SLC39A11: variants seen among roughly 807,000 people sequenced by gnomAD.
SLC39A11 encodes the protein solute carrier family 39 member 11.
Under a neutral mutation model 36.1 loss-of-function variants are expected in SLC39A11, and 33 were observed. The observed-to-expected ratio is 0.91, with a 90% CI of 0.69 to 1.22. The LOEUF (loss-of-function observed/expected upper bound fraction) is 1.22, where lower values mean the gene tolerates loss of function less well. SLC39A11 is among the 50% of genes most tolerant of loss of function. The pLI is 0.00. For synonymous variants in SLC39A11, 166 were observed against 170.3 expected, an observed-to-expected ratio of 0.97 and a Z score of 0.20; for missense variants, 432 against 430.3, an observed-to-expected ratio of 1.00 and a Z score of -0.03.
At chr17:72,698,703 G>A (rs1373087531) in intron 7 of SLC39A11, among the ~76,000 whole-genome samples, 2 of 152,182 alleles carry the variant, frequency 1.3e-5, no homozygotes, top group Non-Finnish European at 2.9e-5. Context: ...TCTAGCTACT[G>A]AGAAGACAGA....
At chr17:72,967,049 G>A (rs1046096972) in intron 4 of SLC39A11, among the ~76,000 whole-genome samples, 3 of 152,144 alleles carry the variant, frequency 2.0e-5, no homozygotes, top group East Asian at 1.9e-4. Context: ...ATCTGTCACC[G>A]CCTCCCATCA....
intron 7 of SLC39A11, among the ~76,000 whole-genome samples, chr17:72,679,603 G>A (rs1005731347): frequency 5.9e-5 from 9 of 152,220 alleles, no homozygotes; most frequent in Non-Finnish European, 1.2e-4. Context: ...GCCAGGTAAG[G>A]AGTTGAAGAC....
chr17:72,861,012 A>G (rs2079950241), intron 5 of SLC39A11, among the ~76,000 whole-genome samples: 2 of 152,220 alleles, frequency 1.3e-5, no homozygotes, highest in African/African-American at 4.8e-5. Context: ...CACAAACCAC[A>G]TTCTCTAGTT....
At chr17:72,981,047 G>C (rs2088264662) in intron 4 of SLC39A11, among the ~76,000 whole-genome samples, 1 of 151,316 alleles carries the variant, frequency 6.6e-6, no homozygotes, top group Admixed American at 6.6e-5. Context: ...AATAGAATGT[G>C]AGCTACAAAT....
At chr17:72,663,426 T>C (rs1369909405) in intron 7 of SLC39A11, among the ~76,000 whole-genome samples, 1 of 152,128 alleles carries the variant, frequency 6.6e-6, no homozygotes, top group Non-Finnish European at 1.5e-5. Flanking sequence ...AGCAAACCCA[T>C]GAAACCCACA....
At chr17:72,932,563 G>A (rs936207876) in intron 5 of SLC39A11, among the ~76,000 whole-genome samples, 2 of 150,450 alleles carry the variant, frequency 1.3e-5, no homozygotes, top group African/African-American at 4.9e-5. Context: ...GGACCCAAAT[G>A]TGCTCAATGA....
chr17:72,845,772 C>T (rs1292961353), intron 6 of SLC39A11, among the ~76,000 whole-genome samples: 4 of 152,104 alleles, frequency 2.6e-5, no homozygotes, highest in African/African-American at 9.7e-5. Context: ...AAAGAAATGT[C>T]CCTTCAAACC....
At chr17:72,919,780 C>G (rs2083549366) in intron 5 of SLC39A11, among the ~76,000 whole-genome samples, 1 of 151,848 alleles carries the variant, frequency 6.6e-6, no homozygotes, top group Non-Finnish European at 1.5e-5. Context: ...CCAGGGTGGT[C>G]GGGCAGCACG....
At chr17:72,710,488 G>C (rs541874426) in intron 7 of SLC39A11, among the ~76,000 whole-genome samples, 1 of 152,280 alleles carries the variant, frequency 6.6e-6, no homozygotes, top group Non-Finnish European at 1.5e-5. Flanking sequence ...GAACACCCAA[G>C]TCTTTTTTGC....
chr17:72,825,032 G>A (rs138710869), intron 6 of SLC39A11, among the ~76,000 whole-genome samples: 83 of 151,556 alleles, frequency 5.5e-4, no homozygotes, highest in African/African-American at 1.9e-3. Flanking sequence ...ATATACATAA[G>A]TAAAGAGGGG....
intron 3 of SLC39A11, among the ~76,000 whole-genome samples, chr17:73,070,268 G>A (rs1023574358): frequency 7.2e-5 from 11 of 152,100 alleles, no homozygotes; most frequent in African/African-American, 2.7e-4. Context: ...TATGACAAAT[G>A]CCCCCAACCC....
At chr17:72,761,999 A>C (rs1362516341) in intron 6 of SLC39A11, among the ~76,000 whole-genome samples, 1 of 152,216 alleles carries the variant, frequency 6.6e-6, no homozygotes, top group Non-Finnish European at 1.5e-5. Flanking sequence ...GTTTTAGGCG[A>C]GTCTAGAGTA....
At position 72,825,331 on chromosome 17, in the gene SLC39A11, G is replaced by GT. The variant is rs545469943; in HGVS notation, c.601+24302dup. Among the ~76,000 whole-genome samples the GT allele has an allele frequency of 2.1e-3, 314 of 152,332 alleles. 1 individual carries two copies. Among genetic ancestry groups the GT allele is most frequent in the African/African-American group, 7.2e-3 (298 of 41,570 alleles). On this transcript the variant is annotated intron_variant, in intron 6 of 9. Transcript: ENST00000255559. ...TCCACGTGGTGGTAAGCTTTTGGGT[G>GT]TTCAGAAGGCAAGAGCTGAAGCTTG...
chr17:72,983,469 T>A (rs981088640), intron 4 of SLC39A11, among the ~76,000 whole-genome samples: 2 of 152,212 alleles, frequency 1.3e-5, no homozygotes, highest in Non-Finnish European at 2.9e-5. Flanking sequence ...GTTGTTTGCT[T>A]TTGTTTTTAA....
At chr17:73,023,486 G>GT (rs1164539819) in intron 4 of SLC39A11, among the ~76,000 whole-genome samples, 2 of 151,856 alleles carry the variant, frequency 1.3e-5, no homozygotes, top group Non-Finnish European at 2.9e-5. Context: ...TTTTTTTGTT[G>GT]TTGTTTGTTT....
At chr17:72,886,602 A>G (rs1163446542) in intron 5 of SLC39A11, among the ~76,000 whole-genome samples, 1 of 152,088 alleles carries the variant, frequency 6.6e-6, no homozygotes, top group Non-Finnish European at 1.5e-5. Flanking sequence ...AGCTCCCAGA[A>G]TCTCTTCTCC....
chr17:73,027,353 G>T (rs1353374461), intron 4 of SLC39A11, among the ~76,000 whole-genome samples: 1 of 152,194 alleles, frequency 6.6e-6, no homozygotes, highest in East Asian at 1.9e-4. Flanking sequence ...GGCCCAGTAG[G>T]CTGCACCTTC....
intron 4 of SLC39A11, among the ~76,000 whole-genome samples, chr17:72,970,084 T>A (rs923764219): frequency 6.6e-6 from 1 of 152,196 alleles, no homozygotes; most frequent in African/African-American, 2.4e-5. Flanking sequence ...ATGTTAATAG[T>A]CCCCAAACCA....
At chr17:72,736,158 A>G (rs1013579478) in intron 7 of SLC39A11, among the ~76,000 whole-genome samples, 31 of 152,220 alleles carry the variant, frequency 2.0e-4, no homozygotes, top group Non-Finnish European at 1.5e-4. Context: ...GTGAGAAGGA[A>G]GGATGCTCTG....
Sources: gnomAD v4.1 joint callset for allele counts (sites outside exome capture counted in the v4.1 genomes callset) on GRCh38, gnomAD v4.1.1 for gene constraint, MANE v1.5 for transcripts, NCBI Gene and HGNC (gene_info 2026-07-23, HGNC 2026-07-21) for gene names.